The following FOCAD variants were observed in gnomAD, a reference collection of about 807,000 sequenced individuals.
FOCAD encodes focadhesin, also known as KIAA1797.
FOCAD carries 198 observed loss-of-function variants against 225.6 expected under a neutral mutation model. The ratio of observed to expected loss-of-function variants is 0.88; its 90% CI spans 0.78 to 0.99. The LOEUF (loss-of-function observed/expected upper bound fraction) is 0.99. Ranked by LOEUF, FOCAD falls within the 50% of genes least tolerant of loss-of-function variation. FOCAD has a pLI of 0.00. For synonymous variants in FOCAD, 897 were observed against 755.0 expected (o/e 1.19, Z -3.08); for missense variants, 2,713 against 2,123.6 (o/e 1.28, Z -5.46).
chr9:20,682,379 G>T (rs1450475948), upstream of FOCAD, among the ~76,000 whole-genome samples: 1 of 152,132 alleles, frequency 6.6e-6, no homozygotes, highest in African/African-American at 2.4e-5. Context: ...TGAGCACCAG[G>T]GTGCTTGGAT....
intron 11 of FOCAD, among the ~76,000 whole-genome samples, chr9:20,791,621 C>G (rs1052806640): frequency 2.0e-5 from 3 of 152,092 alleles, no homozygotes; most frequent in Non-Finnish European, 2.9e-5. Flanking sequence ...GCCTTATAAC[C>G]TTATATTCAA....
chr9:20,975,218 A>G (rs1840125065), intron 35 of FOCAD, among the ~76,000 whole-genome samples: 1 of 152,180 alleles, frequency 6.6e-6, no homozygotes, highest in Admixed American at 6.5e-5. Context: ...TCACGTTTAC[A>G]TGGCCCTTAA....
chr9:20,857,852 TC>T (rs1828355840), intron 15 of FOCAD, among the ~76,000 whole-genome samples: 2 of 151,404 alleles, frequency 1.3e-5, no homozygotes, highest in South Asian at 4.2e-4. Flanking sequence ...GTTGAAATGA[TC>T]ATATGGTCTT....
At chr9:20,753,572 T>C (rs541763054) in intron 5 of FOCAD, among the ~76,000 whole-genome samples, 23 of 152,074 alleles carry the variant, frequency 1.5e-4, no homozygotes, top group African/African-American at 2.9e-4. Context: ...CAGTATTTTA[T>C]TGAGGATTTT....
intron 24 of FOCAD, 121 bp downstream of exon 24, chr9:20,917,058 A>G: frequency 2.7e-6 from 2 of 740,484 alleles, no homozygotes; most frequent in Non-Finnish European, 4.2e-6. Flanking sequence ...CTTTTCAATT[A>G]TTTTTTTAAA....
intron 5 of FOCAD, among the ~76,000 whole-genome samples, chr9:20,744,777 A>G (rs1203912581): frequency 1.3e-5 from 2 of 152,184 alleles, no homozygotes; most frequent in African/African-American, 4.8e-5. Flanking sequence ...ACACGTTCAG[A>G]TCTTTCAATA....
intron 35 of FOCAD, among the ~76,000 whole-genome samples, chr9:20,966,625 T>C (rs1271800225): frequency 6.6e-6 from 1 of 152,142 alleles, no homozygotes; most frequent in African/African-American, 2.4e-5. Flanking sequence ...TGTGTTTTCT[T>C]CTAGGAGTTT....
intron 11 of FOCAD, among the ~76,000 whole-genome samples, chr9:20,810,466 A>G (rs1252992288): frequency 6.6e-6 from 1 of 152,122 alleles, no homozygotes; most frequent in Non-Finnish European, 1.5e-5. Context: ...TTATTTGACT[A>G]GTCAGACTGC....
Position 20,866,147 on chromosome 9 carries a change from A to G in FOCAD, c.2106+171A>G, listed in dbSNP as rs73648426. Among the ~76,000 whole-genome samples the G allele has an allele frequency of 5.6e-3, 855 of 152,190 alleles. 7 individuals carry two copies. The highest frequency in any genetic ancestry group is 0.02 in the African/African-American group (822 of 41,554). ...GTTTTGGTTTTAAAAATTATGCTCAATTTATGCCCATTAATACATTTTTAC... is the reference window on the plus strand; with the variant it reads ...GTTTTGGTTTTAAAAATTATGCTCAGTTTATGCCCATTAATACATTTTTAC... On this transcript the variant is annotated intron_variant, in intron 17 of 43. Coordinates refer to ENST00000338382, the MANE Select transcript of FOCAD (RefSeq NM_001375567.1).
At chr9:20,851,837 T>TAAA (rs1827688625) in intron 15 of FOCAD, among the ~76,000 whole-genome samples, 1 of 151,938 alleles carries the variant, frequency 6.6e-6, no homozygotes, top group African/African-American at 2.4e-5. Flanking sequence ...TCCAGCCCAC[T>TAAA]ACCTTTTTTT....
intron 21 of FOCAD, among the ~76,000 whole-genome samples, chr9:20,888,733 T>A (rs2383158): frequency 0.34 from 51,644 of 151,850 alleles, 8,974 homozygotes; most frequent in East Asian, 0.47. Context: ...CCTGCACTGT[T>A]CTCATGATAG....
intron 4 of FOCAD, among the ~76,000 whole-genome samples, chr9:20,724,512 G>A (rs1041503504): frequency 3.3e-5 from 5 of 152,140 alleles, no homozygotes; most frequent in Admixed American, 3.3e-4. Flanking sequence ...GTCATCCACA[G>A]GGAGATATAG....
At chr9:20,942,407 C>T (rs1485703426) in intron 28 of FOCAD, among the ~76,000 whole-genome samples, 1 of 152,078 alleles carries the variant, frequency 6.6e-6, no homozygotes, top group Non-Finnish European at 1.5e-5. Flanking sequence ...AAAGTTAAAC[C>T]CTATTGGAAT....
intron 4 of FOCAD, among the ~76,000 whole-genome samples, chr9:20,725,483 A>G (rs911208745): frequency 1.4e-4 from 22 of 152,366 alleles, no homozygotes; most frequent in Middle Eastern, 3.4e-3. Context: ...AGCCTTCTAT[A>G]GAATAGATGT....
At chr9:20,938,496 A>G (rs7852905) in intron 28 of FOCAD, among the ~76,000 whole-genome samples, 146,479 of 151,804 alleles carry the variant, frequency 0.96, 70,915 homozygotes, top group Non-Finnish European at 1. Context: ...ACCAAACACC[A>G]CATGTTCTCA....
At chr9:20,961,212 T>C (rs1838693421) in intron 35 of FOCAD, among the ~76,000 whole-genome samples, 1 of 150,414 alleles carries the variant, frequency 6.6e-6, no homozygotes, top group South Asian at 2.1e-4. Flanking sequence ...TTTCTCTCCC[T>C]CTCTCTCTCT....
At chr9:20,737,751 A>G (rs1351748800) in intron 4 of FOCAD, among the ~76,000 whole-genome samples, 1 of 152,212 alleles carries the variant, frequency 6.6e-6, no homozygotes, top group African/African-American at 2.4e-5. Context: ...TTTAACATCT[A>G]GGCACAGGCC....
Position 20,717,792 on chromosome 9 carries a change from A to T in FOCAD, c.58-2A>T. The T allele has an allele frequency of 6.2e-7, 1 of 1,609,772 alleles. No individual in the cohort carries two copies. On this transcript the variant is annotated splice_acceptor_variant, in intron 2 of 43. Coordinates refer to ENST00000338382, the MANE Select transcript of FOCAD (RefSeq NM_001375567.1). LOFTEE classifies it high-confidence loss of function. ...TGTTCATTAATTTTATTTCTTTTTA[A>T]GGCTGTGGGTCATCTTATTGCTGCA...
Position 20,981,453 on chromosome 9 carries a change from T to A in FOCAD, c.4405T>A (p.Ser1469Thr). 6.2e-7 allele frequency: 1 copy of A among 1,614,146 alleles called. No individual in the cohort carries two copies. Among genetic ancestry groups the A allele is most frequent in the Non-Finnish European group, 8.5e-7 (1 of 1,179,994 alleles). ...SLNTKRYLLI[S>T]APLWIKHISD... Reference sequence around the variant, plus strand: ...GAATACCAAGAGATATCTCCTGATATCTGCACCTCTGTGGATAAAACACAT... The same window carrying A: ...GAATACCAAGAGATATCTCCTGATAACTGCACCTCTGTGGATAAAACACAT... The change falls in exon 38 of 44, where the codon TCT (serine) becomes ACT (threonine). Residue 1469 changes from serine to threonine, a missense_variant. Coordinates refer to ENST00000338382, the MANE Select transcript of FOCAD (RefSeq NM_001375567.1).
Sources: allele counts gnomAD v4.1 joint callset (sites outside exome capture counted in the v4.1 genomes callset), GRCh38; gene constraint gnomAD v4.1.1; transcripts MANE v1.5; gene names NCBI Gene and HGNC (gene_info 2026-07-23, HGNC 2026-07-21).